CSMD1: variants seen among roughly 807,000 people sequenced by gnomAD.
The protein encoded by CSMD1 is CUB and sushi domain-containing protein 1.
Under a neutral mutation model 417.5 loss-of-function variants are expected in CSMD1, and 213 were observed. That is an observed-to-expected ratio of 0.51 (90% CI 0.46 to 0.57). The LOEUF (loss-of-function observed/expected upper bound fraction) is 0.57. CSMD1 is among the 20% of genes least tolerant of loss of function. The pLI, the probability that CSMD1 is intolerant of heterozygous loss-of-function variation, is 0.00. For synonymous variants in CSMD1, 2,862 were observed against 1,736.8 expected (o/e 1.65, Z -16.11); for missense variants, 6,923 against 4,529.7 (o/e 1.53, Z -15.17).
In CSMD1 at chr8:4,650,877, A is replaced by C. The variant is rs369277425; in HGVS notation, c.86-13319T>G. ...GCTAGTTGCCTAGATAAAGTATGTG[A>C]ACAGAAGTGTTGATCTATTTAGCAG... On this transcript the variant is annotated intron_variant, in intron 1 of 69. Coordinates refer to ENST00000635120, the MANE Select transcript of CSMD1 (RefSeq NM_033225.6). 2.0e-5 allele frequency among the ~76,000 whole-genome samples: 3 copies of C among 152,234 alleles called. No individual in the cohort carries two copies. The East Asian group carries it at 5.8e-4, about 29-fold the overall frequency.
At chr8:3,907,802 C>G (rs8180892) in intron 5 of CSMD1, among the ~76,000 whole-genome samples, 9 of 151,986 alleles carry the variant, frequency 5.9e-5, no homozygotes, top group Non-Finnish European at 1.2e-4. Flanking sequence ...TCGTATCAAA[C>G]AGCCCAAGAT....
At chr8:4,835,881 G>A (rs1210775868) in intron 1 of CSMD1, among the ~76,000 whole-genome samples, 2 of 151,808 alleles carry the variant, frequency 1.3e-5, no homozygotes, top group Admixed American at 6.6e-5. Context: ...TGATTTAAAT[G>A]CTGCCTCTTT....
intron 2 of CSMD1, among the ~76,000 whole-genome samples, chr8:4,564,532 C>G (rs575101625): frequency 1.3e-5 from 2 of 151,910 alleles, no homozygotes; most frequent in Admixed American, 6.6e-5. Context: ...ACTCGATGTT[C>G]GAAACAGAAG....
chr8:3,049,708 T>G (rs62490541), intron 50 of CSMD1, among the ~76,000 whole-genome samples: 42,942 of 151,888 alleles, frequency 0.28, 6,243 homozygotes, highest in East Asian at 0.33. Context: ...CATTACACAT[T>G]TGTCCAAGCC....
At chr8:4,081,884 G>C (rs977385235) in intron 3 of CSMD1, among the ~76,000 whole-genome samples, 3 of 152,128 alleles carry the variant, frequency 2.0e-5, no homozygotes, top group African/African-American at 4.8e-5. Context: ...AAATGTGTTG[G>C]ATTTAGTTAC....
intron 3 of CSMD1, among the ~76,000 whole-genome samples, chr8:4,388,550 G>T (rs892009192): frequency 6.6e-6 from 1 of 151,836 alleles, no homozygotes; most frequent in African/African-American, 2.4e-5. Flanking sequence ...TGGGGACTGA[G>T]GGGGAAGGGT....
intron 5 of CSMD1, among the ~76,000 whole-genome samples, chr8:3,756,061 T>C (rs1308084278): frequency 6.6e-6 from 1 of 152,006 alleles, no homozygotes; most frequent in African/African-American, 2.4e-5. Flanking sequence ...ACAGGTACTT[T>C]AAAAAATCAT....
chr8:3,653,481 A>C (rs1314338423), intron 7 of CSMD1, among the ~76,000 whole-genome samples: 2 of 151,946 alleles, frequency 1.3e-5, no homozygotes, highest in Non-Finnish European at 2.9e-5. Flanking sequence ...GCTATTTTTC[A>C]TATTTTTAAT....
chr8:4,905,602 G>A (rs527677133), intron 1 of CSMD1, among the ~76,000 whole-genome samples: 6 of 151,694 alleles, frequency 4.0e-5, no homozygotes, highest in Non-Finnish European at 7.4e-5. Flanking sequence ...GGCCCATCAC[G>A]AGGTCATGAG....
chr8:3,405,970 C>G, intron 15 of CSMD1, 57 bp downstream of exon 15: 1 of 1,531,224 alleles, frequency 6.5e-7, no homozygotes, highest in Non-Finnish European at 8.9e-7. Flanking sequence ...TGTGTGTGTG[C>G]CTGAAGATAG....
At chr8:4,365,822 G>A (rs1020475544) in intron 3 of CSMD1, among the ~76,000 whole-genome samples, 2 of 152,072 alleles carry the variant, frequency 1.3e-5, no homozygotes, top group South Asian at 2.1e-4. Flanking sequence ...TTGATCTTTT[G>A]ACTTTTCTAG....
At chr8:3,285,432 G>A (rs985953676) in intron 25 of CSMD1, among the ~76,000 whole-genome samples, 1 of 151,302 alleles carries the variant, frequency 6.6e-6, no homozygotes. Flanking sequence ...CCTCTCCTAG[G>A]CTGGAGTGCA....
rs141454873 is a variant in CSMD1 at position 3,340,180 on chromosome 8, G to C, written c.3631+3114C>G. Among the ~76,000 whole-genome samples the C allele has an allele frequency of 3.7e-3, 558 of 152,172 alleles. 1 individual carries two copies. Among genetic ancestry groups the C allele is most frequent in the African/African-American group, 0.013 (534 of 41,520 alleles). On this transcript the variant is annotated intron_variant, in intron 23 of 69. Transcript: ENST00000635120. ...TATTCAGTTAGAAGGCCTGGATTTG[G>C]GTTGCAATTACACCACTCCCTGTGT...
At chr8:4,597,699 T>C (rs889703186) in intron 2 of CSMD1, among the ~76,000 whole-genome samples, 2 of 152,156 alleles carry the variant, frequency 1.3e-5, no homozygotes, top group South Asian at 2.1e-4. Context: ...TTAACTCCTT[T>C]GGACCATCAT....
At chr8:4,889,490 C>T (rs529913925) in intron 1 of CSMD1, among the ~76,000 whole-genome samples, 3 of 151,930 alleles carry the variant, frequency 2.0e-5, no homozygotes, top group Admixed American at 6.6e-5. Flanking sequence ...ATTTTCCTTG[C>T]TTATATCCTT....
At chr8:4,513,084 G>A (rs1802914217) in intron 2 of CSMD1, among the ~76,000 whole-genome samples, 1 of 152,142 alleles carries the variant, frequency 6.6e-6, no homozygotes, top group African/African-American at 2.4e-5. Context: ...ACATGTTATT[G>A]AACTTTTGTC....
intron 25 of CSMD1, among the ~76,000 whole-genome samples, chr8:3,307,447 G>A (rs1032331290): frequency 6.6e-6 from 1 of 152,128 alleles, no homozygotes; most frequent in African/African-American, 2.4e-5. Context: ...TTGGGGGATA[G>A]TTTGTTATGC....
intron 3 of CSMD1, among the ~76,000 whole-genome samples, chr8:4,165,978 G>A (rs981188170): frequency 6.6e-6 from 1 of 152,114 alleles, no homozygotes; most frequent in Non-Finnish European, 1.5e-5. Flanking sequence ...AATAACAATT[G>A]AAACAAAGTT....
chr8:4,870,043 G>T (rs1356028005), intron 1 of CSMD1, among the ~76,000 whole-genome samples: 1 of 152,028 alleles, frequency 6.6e-6, no homozygotes, highest in Non-Finnish European at 1.5e-5. Flanking sequence ...GTATTCCTGT[G>T]TACCAGAACC....
Sources: allele counts gnomAD v4.1 joint callset (sites outside exome capture counted in the v4.1 genomes callset), GRCh38; gene constraint gnomAD v4.1.1; transcripts MANE v1.5; gene names NCBI Gene and HGNC (gene_info 2026-07-23, HGNC 2026-07-21).